MAP4K1: variants seen among roughly 807,000 people sequenced by gnomAD.
MAP4K1 encodes MAPK/ERK kinase kinase kinase 1.
MAP4K1 carries 35 observed loss-of-function variants against 122.8 expected under a neutral mutation model. The observed-to-expected ratio is 0.29, with a 90% CI of 0.22 to 0.38. The LOEUF (loss-of-function observed/expected upper bound fraction) is 0.38. Among genes scored for constraint, MAP4K1 ranks in the 10% least tolerant of loss-of-function variants. The pLI, the probability that MAP4K1 is intolerant of heterozygous loss-of-function variation, is 1.00. For missense variants in MAP4K1, 791 were observed against 1,072.6 expected (o/e 0.74, Z 3.67); for synonymous variants, 412 against 421.3 (o/e 0.98, Z 0.27).
chr19:38,614,221 A>C, intron 6 of MAP4K1, 24 bp downstream of exon 6: 1 of 1,610,140 alleles, frequency 6.2e-7, no homozygotes, highest in Non-Finnish European at 8.5e-7. Flanking sequence ...ACCCCCCAAC[A>C]GCACCCCTAC....
intron 13 of MAP4K1, among the ~76,000 whole-genome samples, 160 bp downstream of exon 13, chr19:38,609,436 C>G (rs1026625256): frequency 6.6e-6 from 1 of 152,042 alleles, no homozygotes; most frequent in Non-Finnish European, 1.5e-5. Context: ...CGCCTGGCCT[C>G]TACGGTCATT....
At chr19:38,603,381 CACATGTACATATATAT>C in intron 19 of MAP4K1, among the ~76,000 whole-genome samples, 1 of 150,702 alleles carries the variant, frequency 6.6e-6, no homozygotes, top group Non-Finnish European at 1.5e-5. Flanking sequence ...TACATATATA[CACATGTACATATATAT>C]GCATATACAT....
chr19:38,604,345 T>C (rs1429181199), intron 19 of MAP4K1, among the ~76,000 whole-genome samples: 2 of 152,062 alleles, frequency 1.3e-5, no homozygotes, highest in African/African-American at 4.8e-5. Flanking sequence ...AGATCTTGGC[T>C]CTTTGGGCAA....
chr19:38,593,503 G>T (rs1974788515), intron 29 of MAP4K1, 166 bp from the exon 30 acceptor site: 1 of 477,164 alleles, frequency 2.1e-6, no homozygotes, highest in Admixed American at 3.5e-5. Flanking sequence ...AGGAGTTCGA[G>T]ACCAGCCTGG....
chr19:38,603,292 A>G (rs980064707), intron 19 of MAP4K1, among the ~76,000 whole-genome samples: 2 of 151,020 alleles, frequency 1.3e-5, no homozygotes, highest in African/African-American at 4.9e-5. Context: ...ATATACACAC[A>G]CACATACATG....
At chr19:38,604,152 A>AAAAAAAC in intron 19 of MAP4K1, among the ~76,000 whole-genome samples, 1 of 151,054 alleles carries the variant, frequency 6.6e-6, no homozygotes, top group Non-Finnish European at 1.5e-5. Flanking sequence ...AAAAAAAAAA[A>AAAAAAAC]AGACTTTAGA....
rs1974565519 is a variant in MAP4K1 at position 38,587,772 on chromosome 19, G to A, written c.2442C>T (p.Pro814=). 3.1e-6 allele frequency: 5 copies of A among 1,614,130 alleles called. No homozygotes were observed. Among genetic ancestry groups the A allele is most frequent in the Middle Eastern group, 1.7e-4 (1 of 6,058 alleles). Residue 814 remains proline (P), a synonymous_variant, in exon 31 of 31, where the codon CCC becomes CCT. Coordinates refer to ENST00000396857, the MANE Select transcript of MAP4K1 (RefSeq NM_001042600.3). ...ETRPVDDPTA[P]SNLYIQE ...CTCATTCCTGGATGTAGAGGTTGCT[G>A]GGAGCAGTAGGATCATCCACTGGGC...
rs749412597 is a variant in MAP4K1 at position 38,605,450 on chromosome 19, G to A, written c.1405C>T (p.Pro469Ser). ...TCCTTCTTGGGGGGCAGAAGTGGGGGCTTGTCAAGCTCCCGGGAGGGTGGG... is the reference window on the plus strand; with the variant it reads ...TCCTTCTTGGGGGGCAGAAGTGGGGACTTGTCAAGCTCCCGGGAGGGTGGG... Reference protein sequence around the residue: ...WNPPSRELDKPPLLPPKKEKM... With the variant: ...WNPPSRELDKSPLLPPKKEKM... The change falls in exon 19 of 31, where the codon CCC becomes TCC. Residue 469 changes from proline (P) to serine (S), a missense_variant. By Grantham distance (74) the Pro-to-Ser change is moderately conservative (BLOSUM62 -1). Transcript: ENST00000396857. 2.5e-6 allele frequency: 4 copies of A among 1,600,716 alleles called. No individual in the cohort carries two copies. The highest frequency in any genetic ancestry group is 2.2e-5 in the East Asian group (1 of 44,604).
intron 30 of MAP4K1, among the ~76,000 whole-genome samples, chr19:38,590,874 C>T (rs961795780): frequency 1.8e-4 from 27 of 151,834 alleles, no homozygotes; most frequent in African/African-American, 6.5e-4. Context: ...AACATTATGT[C>T]CTTGCTTTGA....
In MAP4K1 at chr19:38,597,616, G is replaced by T; in HGVS notation, c.1670-22C>A. On this transcript the variant is annotated intron_variant, in intron 22 of 30. Transcript: ENST00000396857. The surrounding 1 kb of genome is among the most constrained non-coding windows in gnomAD (Gnocchi z 4.6). ...TTTCCTGCAGGGTGTGTGTATGTAG[G>T]GGGAAGCAGGAAGTTATAGGATCCC... 1 of 1,533,564 alleles carries T rather than the reference G, an allele frequency of 6.5e-7. No individual in the cohort carries two copies. The allele number at this position is 1,533,564 out of a possible 1,614,324, so 95.0% of individuals were successfully genotyped here.
chr19:38,595,373 G>A, intron 29 of MAP4K1, 112 bp downstream of exon 29: 2 of 919,786 alleles, frequency 2.2e-6, no homozygotes, highest in South Asian at 3.3e-5. Context: ...TTTGGAAGAT[G>A]TTTCCCCTCC....
chr19:38,613,218 A>C (rs1383751623), intron 8 of MAP4K1, among the ~76,000 whole-genome samples: 1 of 151,656 alleles, frequency 6.6e-6, no homozygotes, highest in Non-Finnish European at 1.5e-5. Context: ...GAGGCAGGAG[A>C]ATTGCTTGAA....
intron 30 of MAP4K1, among the ~76,000 whole-genome samples, chr19:38,592,857 C>G (rs1974767437): frequency 6.6e-6 from 1 of 151,928 alleles, no homozygotes; most frequent in Non-Finnish European, 1.5e-5. Context: ...GCAGAGGTTG[C>G]AGTGAACCAA....
chr19:38,604,052 C>T (rs191357197), intron 19 of MAP4K1, among the ~76,000 whole-genome samples: 6 of 140,766 alleles, frequency 4.3e-5, no homozygotes, highest in Admixed American at 7.6e-5. Context: ...CTTGAGTCTC[C>T]GAGGTCAAGG....
At chr19:38,611,521 G>A (rs544349151) in intron 9 of MAP4K1, among the ~76,000 whole-genome samples, 6 of 152,274 alleles carry the variant, frequency 3.9e-5, no homozygotes, top group Non-Finnish European at 7.3e-5. Flanking sequence ...GGTGGTTCAC[G>A]CCCGTAATCC....
intron 3 of MAP4K1, among the ~76,000 whole-genome samples, chr19:38,616,527 G>A (rs528163302): frequency 5.2e-4 from 79 of 152,208 alleles, no homozygotes; most frequent in Admixed American, 2.4e-3. Context: ...GCCGTCCCAC[G>A]CCAACCTAGG....
Position 38,607,493 on chromosome 19 carries a change from G to A in MAP4K1, c.1157+371C>T, listed in dbSNP as rs186804755. 1.8e-3 allele frequency among the ~76,000 whole-genome samples: 266 copies of A among 149,756 alleles called. 1 individual carries two copies. Among genetic ancestry groups the A allele is most frequent in the Admixed American group, 0.012 (178 of 14,854 alleles). On this transcript the variant is annotated intron_variant, in intron 16 of 30. Transcript: ENST00000396857. ...GAGAATCGCTTGAACCCGGGGAGCC[G>A]AGGTTGTAGTGAGCTGAGACTACGT...
At chr19:38,608,216 G>A in intron 13 of MAP4K1, 46 bp from the exon 14 acceptor site, 3 of 1,014,658 alleles carry the variant, frequency 3.0e-6, no homozygotes, top group South Asian at 1.6e-5. Context: ...TGGGGGCAAG[G>A]GGTAACGAGA....
intron 22 of MAP4K1, among the ~76,000 whole-genome samples, chr19:38,599,299 G>C (rs1208043402): frequency 1.4e-5 from 2 of 139,026 alleles, no homozygotes; most frequent in Non-Finnish European, 3.0e-5. Flanking sequence ...AGTTAGCCAA[G>C]ATCACGCCCC....
Sources: gnomAD v4.1 joint callset for allele counts (sites outside exome capture counted in the v4.1 genomes callset) on GRCh38, gnomAD v4.1.1 for gene constraint, Gnocchi (gnomAD v3.1) non-coding constraint, MANE v1.5 for transcripts, NCBI Gene and HGNC (gene_info 2026-07-23, HGNC 2026-07-21) for gene names.